Variants in AKAP6 observed in about 807,000 individuals in gnomAD.
AKAP6 encodes the protein A-kinase anchor protein 6.
Under a neutral mutation model 188.5 loss-of-function variants are expected in AKAP6, and 58 were observed. That is an observed-to-expected ratio of 0.31 (90% confidence interval 0.25 to 0.38). The LOEUF is 0.38. Ranked by LOEUF, AKAP6 falls within the 10% of genes least tolerant of loss-of-function variation. AKAP6 has a pLI of 1.00. For synonymous variants in AKAP6, 989 were observed against 998.6 expected (o/e 0.99, Z 0.18); for missense variants, 2,710 against 2,740.0 (o/e 0.99, Z 0.24).
At chr14:32,679,431 A>T (rs1889578008) in intron 8 of AKAP6, among the ~76,000 whole-genome samples, 1 of 152,220 alleles carries the variant, frequency 6.6e-6, no homozygotes, top group African/African-American at 2.4e-5. Flanking sequence ...TTACATGTTA[A>T]TAACATTATA....
chr14:32,339,484 A>G (rs1187556981), intron 1 of AKAP6, among the ~76,000 whole-genome samples: 3 of 152,166 alleles, frequency 2.0e-5, no homozygotes, highest in Non-Finnish European at 4.4e-5. Flanking sequence ...AAGGGTTTCT[A>G]TGAGGAAGCT....
At chr14:32,677,808 A>G (rs373420512) in intron 7 of AKAP6, among the ~76,000 whole-genome samples, 5 of 152,374 alleles carry the variant, frequency 3.3e-5, no homozygotes, top group South Asian at 4.1e-4. Flanking sequence ...TTAAGACAGT[A>G]ACACAGACAA....
intron 2 of AKAP6, among the ~76,000 whole-genome samples, chr14:32,456,772 A>G (rs543068337): frequency 6.6e-6 from 1 of 152,290 alleles, no homozygotes; most frequent in East Asian, 1.9e-4. Context: ...ATAACTCTTA[A>G]TGGACGTGCT....
intron 13 of AKAP6, among the ~76,000 whole-genome samples, chr14:32,825,983 C>A (rs1446399348): frequency 6.6e-6 from 1 of 152,104 alleles, no homozygotes; most frequent in African/African-American, 2.4e-5. Context: ...ACAAATACAT[C>A]TTTTAAAATG....
chr14:32,423,693 T>C (rs765330451), intron 1 of AKAP6, among the ~76,000 whole-genome samples: 1 of 152,192 alleles, frequency 6.6e-6, no homozygotes, highest in Non-Finnish European at 1.5e-5. Flanking sequence ...GCTTGTTGAC[T>C]GTGGGGAATG....
rs140300910 is a variant in AKAP6, at chr14:32,565,831, G to C, written c.2347-11289G>C. Among the ~76,000 whole-genome samples, 72 of 152,336 alleles carry C rather than the reference G, an allele frequency of 4.7e-4. 1 individual carries two copies. Among genetic ancestry groups the C allele is most frequent in the African/African-American group, 1.6e-3 (67 of 41,584 alleles). ...TACTTGAGAGTTCTCAGAATAAGCT[G>C]TTCTCTCTTGGGCTTCATTTTAGGA... On this transcript the variant is annotated intron_variant, in intron 4 of 13. Transcript: ENST00000280979.
rs541740284 is a variant in AKAP6, at chr14:32,728,902, C to T, written c.3001-3552C>T. On this transcript the variant is annotated intron_variant, in intron 9 of 13. Coordinates refer to ENST00000280979, the MANE Select transcript of AKAP6 (RefSeq NM_004274.5). ...GGGGCAAGGTTCACATAATATAGCC[C>T]TCAAGTTTTGCTTAGGTGGAAGCCA... Among the ~76,000 whole-genome samples the T allele has an allele frequency of 1.2e-4, 18 of 152,244 alleles. No individual in the cohort carries two copies. The South Asian group carries it at 3.7e-3, about 32-fold the overall frequency.
intron 7 of AKAP6, among the ~76,000 whole-genome samples, chr14:32,627,527 TA>T (rs1887072902): frequency 1.3e-5 from 2 of 152,098 alleles, no homozygotes; most frequent in African/African-American, 2.4e-5. Flanking sequence ...ACAGTACCCC[TA>T]AAAAATATAT....
chr14:32,769,430 A>G (rs1374291321), intron 11 of AKAP6, among the ~76,000 whole-genome samples: 1 of 152,066 alleles, frequency 6.6e-6, no homozygotes, highest in Non-Finnish European at 1.5e-5. Context: ...AGGCAGGTAC[A>G]TTATCATATA....
intron 11 of AKAP6, among the ~76,000 whole-genome samples, chr14:32,751,160 C>T (rs1482346869): frequency 1.2e-5 from 1 of 86,044 alleles, no homozygotes; most frequent in Admixed American, 1.6e-4. Flanking sequence ...TGCTGAACTT[C>T]AGTTTTTTTC....
At chr14:32,698,845 G>A (rs1043724527) in intron 9 of AKAP6, among the ~76,000 whole-genome samples, 7 of 152,148 alleles carry the variant, frequency 4.6e-5, no homozygotes, top group African/African-American at 1.7e-4. Flanking sequence ...CGAAAAGGAT[G>A]AGGTGAAACT....
chr14:32,639,006 C>T (rs1887644134), intron 7 of AKAP6, among the ~76,000 whole-genome samples: 1 of 151,910 alleles, frequency 6.6e-6, no homozygotes, highest in Non-Finnish European at 1.5e-5. Context: ...AATAACACTT[C>T]CTAAATTTCA....
intron 2 of AKAP6, among the ~76,000 whole-genome samples, chr14:32,482,621 C>T (rs537502677): frequency 3.0e-4 from 46 of 152,190 alleles, no homozygotes; most frequent in Non-Finnish European, 6.0e-4. Flanking sequence ...TGCTGTATTC[C>T]AAGGGCCTGG....
At chr14:32,658,172 A>C (rs954773420) in intron 7 of AKAP6, among the ~76,000 whole-genome samples, 2 of 152,128 alleles carry the variant, frequency 1.3e-5, no homozygotes, top group African/African-American at 4.8e-5. Context: ...ATGCTACTCT[A>C]TATAGTGATT....
In AKAP6 at chr14:32,509,120, C is replaced by CTTTTTTTT. The variant is rs368423502; in HGVS notation, c.325-26417_325-26410dup. 3.8e-3 allele frequency among the ~76,000 whole-genome samples: 363 copies of CTTTTTTTT among 94,748 alleles called. 23 individuals carry two copies. Among genetic ancestry groups the CTTTTTTTT allele is most frequent in the Middle Eastern group, 9.1e-3 (1 of 110 alleles). The allele number at this position is 94,748 out of a possible 152,430, so 62.2% of individuals were successfully genotyped here. A position where few individuals can be genotyped will look rare whatever the true frequency, so the allele number is the denominator to read the frequency against. ...AGGCGTAAGCCACCATGCCCTGCCT[C>CTTTTTTTT]TTTTTTTTTTTTTTTTTTTTTTTTG... On this transcript the variant is annotated intron_variant, in intron 2 of 13. Coordinates refer to ENST00000280979, the MANE Select transcript of AKAP6 (RefSeq NM_004274.5).
intron 11 of AKAP6, among the ~76,000 whole-genome samples, chr14:32,768,088 G>A (rs1197482354): frequency 6.6e-6 from 1 of 152,134 alleles, no homozygotes; most frequent in Non-Finnish European, 1.5e-5. Flanking sequence ...GGTGCCCAAT[G>A]AATGCTTATT....
At chr14:32,794,579 C>A (rs28780708) in intron 12 of AKAP6, among the ~76,000 whole-genome samples, 1 of 151,954 alleles carries the variant, frequency 6.6e-6, no homozygotes, top group Non-Finnish European at 1.5e-5. Context: ...AACAAACAAA[C>A]AAATAGTTCT....
At chr14:32,686,210 C>T (rs1446958950) in intron 8 of AKAP6, among the ~76,000 whole-genome samples, 1 of 102,368 alleles carries the variant, frequency 9.8e-6, no homozygotes, top group Admixed American at 1.1e-4. Context: ...ATTGCATGGT[C>T]TCACTTTATT....
At chr14:32,563,964 G>A (rs911238235) in intron 4 of AKAP6, among the ~76,000 whole-genome samples, 13 of 152,010 alleles carry the variant, frequency 8.6e-5, no homozygotes, top group Non-Finnish European at 1.6e-4. Context: ...ACATACAGTC[G>A]TTCCTCAGTA....
Sources: gnomAD v4.1 joint callset for allele counts (sites outside exome capture counted in the v4.1 genomes callset) on GRCh38, gnomAD v4.1.1 for gene constraint, MANE v1.5 for transcripts, NCBI Gene and HGNC (gene_info 2026-07-23, HGNC 2026-07-21) for gene names.